Variants in SNX29 observed in about 807,000 individuals in gnomAD.
SNX29 encodes sorting nexin-29.
Under a neutral mutation model 102.1 loss-of-function variants are expected in SNX29, and 78 were observed. The ratio of observed to expected loss-of-function variants is 0.76; its 90% CI spans 0.64 to 0.92. SNX29 has a LOEUF of 0.92. Among genes scored for constraint, SNX29 ranks in the 40% least tolerant of loss-of-function variants. The probability of loss-of-function intolerance (pLI) is 0.00; values close to 1 mark genes in which losing one functional copy is unlikely to be tolerated. For synonymous variants in SNX29, 580 were observed against 414.5 expected, an observed-to-expected ratio of 1.40 and a Z score of -4.85; for missense variants, 1,280 against 1,061.7, an observed-to-expected ratio of 1.21 and a Z score of -2.86.
At chr16:12,423,861 C>T (rs963428100) in intron 18 of SNX29, among the ~76,000 whole-genome samples, 4 of 152,204 alleles carry the variant, frequency 2.6e-5, no homozygotes, top group Admixed American at 2.6e-4. Flanking sequence ...CGTGAGCTAC[C>T]GTGCCCAGCC....
intron 15 of SNX29, among the ~76,000 whole-genome samples, chr16:12,310,719 C>G (rs189774573): frequency 6.6e-6 from 1 of 152,100 alleles, no homozygotes; most frequent in African/African-American, 2.4e-5. Flanking sequence ...GTTTCACAAA[C>G]GTAAACATAT....
chr16:12,093,435 C>CA (rs1379828657), intron 11 of SNX29, among the ~76,000 whole-genome samples: 1 of 67,504 alleles, frequency 1.5e-5, no homozygotes, highest in African/African-American at 5.8e-5. Context: ...CATAGTGAGA[C>CA]CCCCTCTCTT....
chr16:12,403,590 C>T, intron 18 of SNX29, 61 bp downstream of exon 18: 3 of 1,492,172 alleles, frequency 2.0e-6, no homozygotes, highest in Non-Finnish European at 2.8e-6. Context: ...ATTTGTCATG[C>T]TGTGGTGCTT....
At chr16:12,552,688 T>C (rs933166113) in intron 20 of SNX29, among the ~76,000 whole-genome samples, 4 of 151,978 alleles carry the variant, frequency 2.6e-5, no homozygotes, top group Admixed American at 1.3e-4. Context: ...TTTACAAGGG[T>C]CGGGGGAAGA....
intron 15 of SNX29, among the ~76,000 whole-genome samples, chr16:12,353,123 A>G (rs929861257): frequency 2.6e-5 from 4 of 152,100 alleles, no homozygotes; most frequent in African/African-American, 9.7e-5. Flanking sequence ...ATAATTTACC[A>G]AATGTCAAAG....
chr16:12,061,846 G>C (rs2050789595), intron 9 of SNX29, among the ~76,000 whole-genome samples, 200 bp downstream of exon 9: 1 of 152,164 alleles, frequency 6.6e-6, no homozygotes, highest in Non-Finnish European at 1.5e-5. Flanking sequence ...TGGGTATCCT[G>C]AGGTGCTCTC....
intron 15 of SNX29, among the ~76,000 whole-genome samples, chr16:12,330,266 C>T (rs2081255795): frequency 6.6e-6 from 1 of 151,998 alleles, no homozygotes; most frequent in African/African-American, 2.4e-5. Context: ...CCTCACCTGG[C>T]GACCAGCCTG....
At position 12,571,597 on chromosome 16, in the gene SNX29, G is replaced by T; in HGVS notation, c.*2968G>T. The T allele has an allele frequency of 1.9e-6, 2 of 1,060,402 alleles. No homozygotes were observed. The highest frequency in any genetic ancestry group is 2.3e-6 in the Non-Finnish European group (2 of 875,946). The allele number at this position is 1,060,402 out of a possible 1,614,324, so 65.7% of individuals were successfully genotyped here. A position where few individuals can be genotyped will look rare whatever the true frequency, so the allele number is the denominator to read the frequency against. On this transcript the variant is annotated 3_prime_UTR_variant, in exon 21 of 21. Coordinates refer to ENST00000566228, the MANE Select transcript of SNX29 (RefSeq NM_032167.5). ...CTTCATGGCCTGCTGTGCTGAAACA[G>T]AACAGCAGGTTCCATCTTTCACATC...
intron 19 of SNX29, among the ~76,000 whole-genome samples, chr16:12,508,975 A>G (rs1340012254): frequency 6.6e-6 from 1 of 152,170 alleles, no homozygotes; most frequent in African/African-American, 2.4e-5. Context: ...GGTTGGAGAT[A>G]GTGTCCATAA....
intron 11 of SNX29, among the ~76,000 whole-genome samples, chr16:12,104,411 C>G (rs758861044): frequency 6.6e-5 from 10 of 152,092 alleles, no homozygotes; most frequent in Non-Finnish European, 1.2e-4. Context: ...CAAAAATTAG[C>G]TGGGCGTGGT....
chr16:12,264,823 C>G (rs2078879873), intron 14 of SNX29, among the ~76,000 whole-genome samples: 1 of 151,882 alleles, frequency 6.6e-6, no homozygotes, highest in South Asian at 2.1e-4. Flanking sequence ...ATCTATTGAT[C>G]TATTGCCCTC....
chr16:11,986,082 G>A (rs1365234484), intron 1 of SNX29, among the ~76,000 whole-genome samples: 1 of 152,082 alleles, frequency 6.6e-6, no homozygotes, highest in East Asian at 1.9e-4. Flanking sequence ...TGGGATGACA[G>A]GTGTGAGACA....
chr16:12,493,653 A>G (rs1275139212), intron 19 of SNX29, among the ~76,000 whole-genome samples: 1 of 152,158 alleles, frequency 6.6e-6, no homozygotes, highest in African/African-American at 2.4e-5. Context: ...CTGCAGTGGC[A>G]CGATCTCGGC....
At chr16:12,553,134 G>C (rs577005481) in intron 20 of SNX29, among the ~76,000 whole-genome samples, 44 of 152,260 alleles carry the variant, frequency 2.9e-4, no homozygotes, top group Non-Finnish European at 4.4e-4. Context: ...TTGGGCTTCT[G>C]GCTCACAGCT....
intron 20 of SNX29, among the ~76,000 whole-genome samples, chr16:12,540,578 C>G (rs1010939798): frequency 9.8e-5 from 15 of 152,300 alleles, no homozygotes; most frequent in Middle Eastern, 3.4e-3. Context: ...CTTTGCTTCC[C>G]AGCAATTACT....
intron 18 of SNX29, among the ~76,000 whole-genome samples, chr16:12,423,004 A>T (rs1189070872): frequency 6.6e-6 from 1 of 152,194 alleles, no homozygotes; most frequent in African/African-American, 2.4e-5. Flanking sequence ...TATAAGACTC[A>T]GGCTTCTCAA....
intron 19 of SNX29, among the ~76,000 whole-genome samples, chr16:12,486,905 C>T (rs933935834): frequency 6.6e-6 from 1 of 152,080 alleles, no homozygotes; most frequent in Non-Finnish European, 1.5e-5. Context: ...GACAGTTACT[C>T]GTTCATTTAT....
chr16:12,536,572 A>G (rs1449013546), intron 20 of SNX29, among the ~76,000 whole-genome samples: 1 of 152,178 alleles, frequency 6.6e-6, no homozygotes, highest in East Asian at 1.9e-4. Context: ...AGAAAGTTGC[A>G]GAGTTCACAC....
intron 20 of SNX29, among the ~76,000 whole-genome samples, chr16:12,529,270 G>A (rs745866073): frequency 6.6e-6 from 1 of 152,218 alleles, no homozygotes; most frequent in Non-Finnish European, 1.5e-5. Context: ...GAACAGATGA[G>A]TGCCAGCCTC....
Sources: gnomAD v4.1 joint callset for allele counts (sites outside exome capture counted in the v4.1 genomes callset) on GRCh38, gnomAD v4.1.1 for gene constraint, MANE v1.5 for transcripts, NCBI Gene and HGNC (gene_info 2026-07-23, HGNC 2026-07-21) for gene names.